Variants in PIEZO2 observed in about 807,000 individuals in gnomAD.
The protein encoded by PIEZO2 is piezo-type mechanosensitive ion channel component 2.
A neutral mutation model predicts 337.3 loss-of-function variants in PIEZO2; 172 were observed. That is an observed-to-expected ratio of 0.51 (90% CI 0.45 to 0.58). The LOEUF (loss-of-function observed/expected upper bound fraction) is 0.58. Ranked by LOEUF, PIEZO2 falls within the 20% of genes least tolerant of loss-of-function variation. PIEZO2 has a pLI of 0.00. For missense variants in PIEZO2, 3,028 were observed against 3,391.3 expected, an observed-to-expected ratio of 0.89 and a Z score of 2.66; for synonymous variants, 1,251 against 1,228.5, an observed-to-expected ratio of 1.02 and a Z score of -0.38.
intron 5 of PIEZO2, among the ~76,000 whole-genome samples, chr18:10,869,203 CTT>C (rs1023577738): frequency 2.6e-5 from 4 of 152,162 alleles, no homozygotes; most frequent in African/African-American, 9.7e-5. Context: ...TAGTGTCTCT[CTT>C]TTGTAGAAGA....
chr18:10,681,529 T>G, intron 51 of PIEZO2, 132 bp downstream of exon 51: 1 of 669,152 alleles, frequency 1.5e-6, no homozygotes, highest in Middle Eastern at 2.5e-4. Flanking sequence ...AGGAATGTGC[T>G]CTATGTAACT....
chr18:10,687,677 C>T (rs552161615), intron 49 of PIEZO2, among the ~76,000 whole-genome samples: 206 of 152,262 alleles, frequency 1.4e-3, no homozygotes, highest in African/African-American at 4.6e-3. Context: ...GGTGGTGGAA[C>T]TCTGAGCCTA....
intron 28 of PIEZO2, among the ~76,000 whole-genome samples, chr18:10,751,647 G>A (rs1339680166): frequency 6.6e-6 from 1 of 152,188 alleles, no homozygotes; most frequent in African/African-American, 2.4e-5. Flanking sequence ...GAATTGCCTG[G>A]AGAGCTCATC....
chr18:10,672,882 G>C lies in PIEZO2; in HGVS notation c.8162-9C>G, dbSNP rs372248498. ...ATCCATGAAATTATTTTCTAGAAGG[G>C]TAGAAATGCAAAATTAAGTTGACAT... On this transcript the variant is annotated splice_polypyrimidine_tract_variant and intron_variant, in intron 54 of 55. Transcript: ENST00000674853. This position sits in a 1 kb window ranked among gnomAD's most constrained non-coding sequence, Gnocchi z 4.7. 5 of 1,582,544 alleles carry C rather than the reference G, an allele frequency of 3.2e-6. No homozygotes were observed. Among genetic ancestry groups the C allele is most frequent in the Non-Finnish European group, 4.3e-6 (5 of 1,163,422 alleles).
At chr18:10,816,087 TAA>T (rs1432238891) in intron 7 of PIEZO2, among the ~76,000 whole-genome samples, 1 of 152,208 alleles carries the variant, frequency 6.6e-6, no homozygotes, top group Non-Finnish European at 1.5e-5. Context: ...AGCAGACACC[TAA>T]GTCTCATGCT....
intron 3 of PIEZO2, among the ~76,000 whole-genome samples, chr18:10,931,241 C>A (rs757591366): frequency 1.3e-5 from 2 of 151,826 alleles, no homozygotes; most frequent in African/African-American, 4.8e-5. Context: ...TGTTTGTCGC[C>A]CAGGCTGGAG....
chr18:10,897,831 T>G (rs1315508327), intron 4 of PIEZO2, among the ~76,000 whole-genome samples: 1 of 152,264 alleles, frequency 6.6e-6, no homozygotes, highest in African/African-American at 2.4e-5. Flanking sequence ...AAGTCTTTTA[T>G]GTAATACAAT....
rs117107348 is a variant in PIEZO2, at chr18:11,002,380, G to T, written c.161-22720C>A. Reference sequence around the variant, plus strand: ...TCAGTAAAAAGAAACCAAAAGGACTGTGTTTTGATATTCAAGAAATTCCCT... The same window carrying T: ...TCAGTAAAAAGAAACCAAAAGGACTTTGTTTTGATATTCAAGAAATTCCCT... On this transcript the variant is annotated intron_variant, in intron 2 of 55. Coordinates refer to ENST00000674853, the MANE Select transcript of PIEZO2 (RefSeq NM_001378183.1). The surrounding 1 kb of genome is among the most constrained non-coding windows in gnomAD (Gnocchi z 4.3). Among the ~76,000 whole-genome samples, 432 of 152,298 alleles carry T rather than the reference G, an allele frequency of 2.8e-3. 1 individual carries two copies. The highest frequency in any genetic ancestry group is 4.3e-3 in the Non-Finnish European group (293 of 68,020).
In PIEZO2 at chr18:10,958,414, G is replaced by A. The variant is rs542421876; in HGVS notation, c.286+21121C>T. Among the ~76,000 whole-genome samples the A allele has an allele frequency of 2.0e-5, 3 of 152,248 alleles. No homozygotes were observed. In the East Asian group the frequency reaches 5.8e-4, roughly 29 times the overall value. The stretch of plus-strand genomic sequence containing the variant: ...GAGGAGAGGGACTTCAAAACATGCT[G>A]TTCAAAGGGTAGAAAGTTTCAGTTA... On this transcript the variant is annotated intron_variant, in intron 3 of 55. Coordinates refer to ENST00000674853, the MANE Select transcript of PIEZO2 (RefSeq NM_001378183.1).
intron 7 of PIEZO2, among the ~76,000 whole-genome samples, chr18:10,816,451 T>C (rs935201640): frequency 6.6e-6 from 1 of 152,214 alleles, no homozygotes; most frequent in African/African-American, 2.4e-5. Flanking sequence ...AATTTTGCAA[T>C]ATGTAACTGA....
rs568899334 is a variant in PIEZO2, at chr18:11,070,085, G to C, written c.65-3863C>G. On this transcript the variant is annotated intron_variant, in intron 1 of 55. Transcript: ENST00000674853. This position sits in a 1 kb window ranked among gnomAD's most constrained non-coding sequence, Gnocchi z 4.3. Reference sequence around the variant, plus strand: ...GAGAAATGCATTGTTAGGTAGTTTTGTCCTTGTGGGAACTGTGTGCTTACA... The same window carrying C: ...GAGAAATGCATTGTTAGGTAGTTTTCTCCTTGTGGGAACTGTGTGCTTACA... Among the ~76,000 whole-genome samples, 9 of 152,296 alleles carry C rather than the reference G, an allele frequency of 5.9e-5. No individual in the cohort carries two copies. In the East Asian group the frequency reaches 1.5e-3, roughly 26 times the overall value.
At chr18:11,057,798 C>T (rs1334394498) in intron 2 of PIEZO2, among the ~76,000 whole-genome samples, 2 of 152,156 alleles carry the variant, frequency 1.3e-5, no homozygotes, top group Admixed American at 1.3e-4. Context: ...CAGACAATAC[C>T]CACCAGTTAA....
At chr18:10,960,536 C>T (rs1423690460) in intron 3 of PIEZO2, among the ~76,000 whole-genome samples, 1 of 149,754 alleles carries the variant, frequency 6.7e-6, no homozygotes, top group African/African-American at 2.5e-5. Flanking sequence ...GCAGCAACTA[C>T]ACTACTGTAG....
intron 4 of PIEZO2, among the ~76,000 whole-genome samples, chr18:10,897,150 T>C (rs946601248): frequency 6.6e-6 from 1 of 152,062 alleles, no homozygotes; most frequent in Non-Finnish European, 1.5e-5. Flanking sequence ...GTTTCCTCCA[T>C]ATGGTTCTCA....
chr18:10,975,328 G>A (rs12963470), intron 3 of PIEZO2, among the ~76,000 whole-genome samples: 1 of 152,138 alleles, frequency 6.6e-6, no homozygotes, highest in African/African-American at 2.4e-5. Context: ...AATTGAAACC[G>A]GGTTTACATT....
intron 7 of PIEZO2, among the ~76,000 whole-genome samples, chr18:10,817,007 C>T (rs2040384821): frequency 6.6e-6 from 1 of 152,138 alleles, no homozygotes; most frequent in South Asian, 2.1e-4. Context: ...CCTTGTCCCT[C>T]AGAGCTTCTT....
chr18:11,015,698 A>T (rs2036094001), intron 2 of PIEZO2, among the ~76,000 whole-genome samples: 1 of 152,110 alleles, frequency 6.6e-6, no homozygotes, highest in South Asian at 2.1e-4. Flanking sequence ...ATTTCTATGT[A>T]CCCTAAGCTG....
intron 2 of PIEZO2, among the ~76,000 whole-genome samples, chr18:11,053,082 T>C (rs1158162552): frequency 1.3e-5 from 2 of 152,224 alleles, no homozygotes; most frequent in African/African-American, 4.8e-5. Context: ...TGAAACTCAG[T>C]CTTTGTCTGT....
intron 27 of PIEZO2, among the ~76,000 whole-genome samples, chr18:10,756,229 T>C (rs1470968574): frequency 6.8e-6 from 1 of 146,538 alleles, no homozygotes; most frequent in Non-Finnish European, 1.5e-5. Context: ...GAGACAAGGA[T>C]AAGCTATGAA....
Sources: gnomAD v4.1 joint callset for allele counts (sites outside exome capture counted in the v4.1 genomes callset) on GRCh38, gnomAD v4.1.1 for gene constraint, Gnocchi (gnomAD v3.1) non-coding constraint, MANE v1.5 for transcripts, NCBI Gene and HGNC (gene_info 2026-07-23, HGNC 2026-07-21) for gene names.